Variants in WWC1 observed in about 807,000 individuals in gnomAD.
WWC1 encodes the protein WW and C2 domain containing 1, also known as protein KIBRA.
WWC1 carries 55 observed loss-of-function variants against 138.4 expected under a neutral mutation model. The observed-to-expected ratio is 0.40, with a 90% CI of 0.32 to 0.50. The LOEUF (loss-of-function observed/expected upper bound fraction) is 0.50, where lower values mean the gene tolerates loss of function less well. Among genes scored for constraint, WWC1 ranks in the 20% least tolerant of loss-of-function variants. The pLI, the probability that WWC1 is intolerant of heterozygous loss-of-function variation, is 0.72. For missense variants in WWC1, 1,226 were observed against 1,420.4 expected, an observed-to-expected ratio of 0.86 and a Z score of 2.20; for synonymous variants, 524 against 564.9, an observed-to-expected ratio of 0.93 and a Z score of 1.03.
chr5:168,423,655 A>T lies in WWC1; in HGVS notation c.1397A>T (p.Tyr466Phe), dbSNP rs757508920. The T allele has an allele frequency of 1.2e-6, 2 of 1,614,078 alleles. No individual in the cohort carries two copies. The highest frequency in any genetic ancestry group is 2.2e-5 in the South Asian group (2 of 91,064). Reference sequence around the variant, plus strand: ...ACTTCAGCCAGCTTCACTGACCTCTACTATGACCCCTTTGAGCAGCTGGAC... The same window carrying T: ...ACTTCAGCCAGCTTCACTGACCTCTTCTATGACCCCTTTGAGCAGCTGGAC... ...SSTSASFTDL[Y>F]YDPFEQLDSE... The change falls in exon 11 of 23, where the codon TAC (tyrosine) becomes TTC (phenylalanine). Residue 466 changes from tyrosine to phenylalanine, a missense_variant. This residue lies in a region of WWC1 where 1,016 missense variants were observed against 1,153.9 expected (regional missense o/e 0.88). Transcript: ENST00000265293.
At chr5:168,465,819 A>G (rs968201454) in intron 21 of WWC1, among the ~76,000 whole-genome samples, 2 of 151,958 alleles carry the variant, frequency 1.3e-5, no homozygotes, top group Non-Finnish European at 2.9e-5. Context: ...CGGCCTCCCA[A>G]AGTGTTGCGA....
At chr5:168,293,692 A>G (rs1769272563) in intron 1 of WWC1, among the ~76,000 whole-genome samples, 1 of 152,166 alleles carries the variant, frequency 6.6e-6, no homozygotes, top group South Asian at 2.1e-4. Context: ...CATTTCCCTG[A>G]ATTTAAAAAG....
intron 15 of WWC1, 97 bp from the exon 16 acceptor site, chr5:168,441,585 T>G: frequency 7.8e-7 from 1 of 1,274,190 alleles, no homozygotes. Flanking sequence ...TCATCTGGAG[T>G]GGTGTTTTTT....
At position 168,353,777 on chromosome 5, in the gene WWC1, C is replaced by G. The variant is rs569742992; in HGVS notation, c.120-17647C>G. 6.6e-5 allele frequency among the ~76,000 whole-genome samples: 10 copies of G among 152,350 alleles called. No individual in the cohort carries two copies. The East Asian group carries it at 1.9e-3, about 29-fold the overall frequency. ...GCCCGATCACTGCCAAGTCAGGGCCCAAGCTACTTCCTGCTTCCTCTACAG... is the reference window on the plus strand; with the variant it reads ...GCCCGATCACTGCCAAGTCAGGGCCGAAGCTACTTCCTGCTTCCTCTACAG... On this transcript the variant is annotated intron_variant, in intron 1 of 22. Transcript: ENST00000265293.
chr5:168,434,607 C>G (rs1200585864), intron 15 of WWC1, among the ~76,000 whole-genome samples: 1 of 152,164 alleles, frequency 6.6e-6, no homozygotes, highest in African/African-American at 2.4e-5. Flanking sequence ...AATGGCAAAG[C>G]CTGGATTTGA....
intron 17 of WWC1, among the ~76,000 whole-genome samples, chr5:168,449,433 C>A (rs185098941): frequency 1.3e-5 from 2 of 152,320 alleles, no homozygotes; most frequent in Non-Finnish European, 2.9e-5. Flanking sequence ...AAATGGAGAT[C>A]ATCTCTTTGA....
At position 168,404,595 on chromosome 5, in the gene WWC1, G is replaced by A. The variant is rs143634367; in HGVS notation, c.591-1603G>A. 6.5e-3 allele frequency among the ~76,000 whole-genome samples: 987 copies of A among 152,318 alleles called. 9 individuals carry two copies. The highest frequency in any genetic ancestry group is 0.023 in the African/African-American group (950 of 41,542). ...CTTGCTTCTGCTCAGGATTCCCCAT[G>A]AGGGTTATTTTTAGCCCAGGACAGT... On this transcript the variant is annotated intron_variant, in intron 5 of 22. Transcript: ENST00000265293.
At chr5:168,342,854 C>T (rs867586516) in intron 1 of WWC1, among the ~76,000 whole-genome samples, 3 of 152,282 alleles carry the variant, frequency 2.0e-5, no homozygotes, top group Middle Eastern at 6.8e-3. Context: ...GGATTGAGAG[C>T]ACAGTGGGGG....
At chr5:168,423,435 C>A in intron 10 of WWC1, 98 bp from the exon 11 acceptor site, 1 of 1,357,986 alleles carries the variant, frequency 7.4e-7, no homozygotes, top group Non-Finnish European at 1.0e-6. Context: ...CCAAGCAAGT[C>A]TAGTGAGATC....
chr5:168,343,172 A>G (rs1461650240), intron 1 of WWC1, among the ~76,000 whole-genome samples: 1 of 152,150 alleles, frequency 6.6e-6, no homozygotes, highest in African/African-American at 2.4e-5. Flanking sequence ...TTTAAAGGTC[A>G]TAAAGTTCAC....
chr5:168,339,831 TTTTTC>T (rs1166231821), intron 1 of WWC1, among the ~76,000 whole-genome samples: 1 of 39,164 alleles, frequency 2.6e-5, no homozygotes, highest in Admixed American at 2.7e-4. Flanking sequence ...TCTTTCTTTC[TTTTTC>T]TTTTCTTTCT....
intron 5 of WWC1, among the ~76,000 whole-genome samples, chr5:168,404,171 A>G (rs1322049448): frequency 6.6e-6 from 1 of 152,072 alleles, no homozygotes; most frequent in African/African-American, 2.4e-5. Context: ...TTGGCAGAGG[A>G]CAGCTGGGCA....
At chr5:168,357,448 CTGTGTGTGTGTGTGTGTGTGTGTG>C (rs67198550) in intron 1 of WWC1, among the ~76,000 whole-genome samples, 5 of 134,530 alleles carry the variant, frequency 3.7e-5, no homozygotes, top group East Asian at 2.4e-4. Context: ...AACCTGCCTT[CTGTGTGTGTGTGTGTGTGTGTGTG>C]TGTGTGTGTG....
At chr5:168,297,396 G>A (rs571383778) in intron 1 of WWC1, among the ~76,000 whole-genome samples, 22 of 152,328 alleles carry the variant, frequency 1.4e-4, no homozygotes, top group Admixed American at 1.1e-3. Context: ...GGAGGCTGAG[G>A]CGGGCAGATC....
intron 1 of WWC1, among the ~76,000 whole-genome samples, chr5:168,294,698 C>T (rs534683845): frequency 6.6e-6 from 1 of 152,154 alleles, no homozygotes; most frequent in Non-Finnish European, 1.5e-5. Flanking sequence ...GCGATCTTGG[C>T]TCACTGCAAG....
At chr5:168,443,038 TG>T (rs1183742698) in intron 16 of WWC1, among the ~76,000 whole-genome samples, 1 of 151,334 alleles carries the variant, frequency 6.6e-6, no homozygotes, top group Non-Finnish European at 1.5e-5. Flanking sequence ...GTCTTACATA[TG>T]GGGTATTGGA....
intron 1 of WWC1, among the ~76,000 whole-genome samples, chr5:168,367,096 C>T (rs190660744): frequency 2.6e-5 from 4 of 152,070 alleles, no homozygotes; most frequent in East Asian, 1.9e-4. Context: ...TGCACCCAGC[C>T]GACTTTGAAA....
At position 168,467,258 on chromosome 5, in the gene WWC1, AAAAC is replaced by A. The variant is rs1192583486; in HGVS notation, c.3151-570_3151-567del. Among the ~76,000 whole-genome samples the A allele has an allele frequency of 3.3e-5, 5 of 152,252 alleles. 1 individual carries two copies. The highest frequency in any genetic ancestry group is 7.3e-5 in the Non-Finnish European group (5 of 68,038). On this transcript the variant is annotated intron_variant, in intron 21 of 22. Transcript: ENST00000265293. ...GGGCGACAGAGCGAGACTCCGTCTC[AAAAC>A]AAACAAACAAAAAAAACGATGGCTT...
intron 1 of WWC1, among the ~76,000 whole-genome samples, chr5:168,317,410 G>A (rs963544082): frequency 6.6e-6 from 1 of 152,238 alleles, no homozygotes; most frequent in East Asian, 1.9e-4. Context: ...CCTGGAGCTC[G>A]CAGCCAGATC....
Sources: allele counts gnomAD v4.1 joint callset (sites outside exome capture counted in the v4.1 genomes callset), GRCh38; gene constraint gnomAD v4.1.1; regional missense constraint gnomAD v4.1.1; transcripts MANE v1.5; gene names NCBI Gene and HGNC (gene_info 2026-07-23, HGNC 2026-07-21).